The following AGBL4 variants were observed in gnomAD, a reference collection of about 807,000 sequenced individuals.
The protein encoded by AGBL4 is cytosolic carboxypeptidase 6.
Under a neutral mutation model 66.4 loss-of-function variants are expected in AGBL4, and 58 were observed. The observed-to-expected ratio is 0.87, with a 90% CI of 0.71 to 1.09. The LOEUF (loss-of-function observed/expected upper bound fraction) is 1.09. Ranked by LOEUF, AGBL4 falls within the 50% of genes least tolerant of loss-of-function variation. The pLI, the probability that AGBL4 is intolerant of heterozygous loss-of-function variation, is 0.00. For missense variants in AGBL4, 579 were observed against 631.0 expected (o/e 0.92, Z 0.88); for synonymous variants, 234 against 222.9 (o/e 1.05, Z -0.44).
At chr1:48,612,665 G>C (rs1256272610) in intron 9 of AGBL4, among the ~76,000 whole-genome samples, 1 of 152,222 alleles carries the variant, frequency 6.6e-6, no homozygotes, top group African/African-American at 2.4e-5. Flanking sequence ...TGGCAGAATA[G>C]ATGGCTAAAT....
chr1:49,217,467 C>T (rs1268060525), intron 4 of AGBL4, among the ~76,000 whole-genome samples: 1 of 152,058 alleles, frequency 6.6e-6, no homozygotes, highest in Non-Finnish European at 1.5e-5. Context: ...CTTTTTGAAA[C>T]CATCATAATC....
chr1:48,968,312 G>A (rs1266939258), intron 5 of AGBL4, among the ~76,000 whole-genome samples: 1 of 152,054 alleles, frequency 6.6e-6, no homozygotes, highest in Non-Finnish European at 1.5e-5. Flanking sequence ...TAAAAGTTCT[G>A]GACTTCATTC....
intron 3 of AGBL4, among the ~76,000 whole-genome samples, chr1:49,315,614 T>C (rs543674787): frequency 1.3e-5 from 2 of 152,284 alleles, no homozygotes; most frequent in East Asian, 1.9e-4. Flanking sequence ...AGAAGACATT[T>C]ATGCGGCCAA....
chr1:48,675,912 G>A (rs563225322), intron 6 of AGBL4, among the ~76,000 whole-genome samples: 8 of 152,184 alleles, frequency 5.3e-5, no homozygotes, highest in African/African-American at 9.7e-5. Flanking sequence ...CATCACCAGC[G>A]AATGGAATCT....
chr1:49,207,507 T>TC (rs1648268333), intron 4 of AGBL4, among the ~76,000 whole-genome samples: 2 of 147,414 alleles, frequency 1.4e-5, no homozygotes, highest in Non-Finnish European at 3.0e-5. Context: ...CTTTCTTTCT[T>TC]TTTCTTTCTT....
At chr1:49,068,105 C>G (rs1644525611) in intron 4 of AGBL4, among the ~76,000 whole-genome samples, 1 of 152,118 alleles carries the variant, frequency 6.6e-6, no homozygotes, top group African/African-American at 2.4e-5. Context: ...CGTTTGTAGG[C>G]AGGGCGCTCA....
chr1:49,011,895 G>A (rs1272842417), intron 5 of AGBL4, among the ~76,000 whole-genome samples: 1 of 115,062 alleles, frequency 8.7e-6, no homozygotes, highest in East Asian at 3.2e-4. Flanking sequence ...GTGGGGGGTG[G>A]GGGGAGGGAT....
intron 9 of AGBL4, among the ~76,000 whole-genome samples, chr1:48,595,122 C>G (rs1644976280): frequency 6.6e-6 from 1 of 152,086 alleles, no homozygotes; most frequent in Non-Finnish European, 1.5e-5. Context: ...TTCAAAAAGC[C>G]TTATTTTATC....
At chr1:49,442,035 T>A (rs1449123107) in intron 3 of AGBL4, among the ~76,000 whole-genome samples, 1 of 152,116 alleles carries the variant, frequency 6.6e-6, no homozygotes, top group Non-Finnish European at 1.5e-5. Flanking sequence ...TTCCTCAGGG[T>A]GATCAGCCAG....
intron 5 of AGBL4, 98 bp from the exon 6 acceptor site, chr1:48,867,328 T>TA (rs1376274564): frequency 8.5e-7 from 1 of 1,172,362 alleles, no homozygotes; most frequent in African/African-American, 1.5e-5. Context: ...TGTTGGGACA[T>TA]ACTGCAGGGT....
At chr1:48,847,803 T>C (rs1646953555) in intron 6 of AGBL4, among the ~76,000 whole-genome samples, 1 of 152,226 alleles carries the variant, frequency 6.6e-6, no homozygotes, top group African/African-American at 2.4e-5. Context: ...AATGATTTTT[T>C]ACATCCCTTT....
chr1:49,563,862 T>C (rs1007400932), intron 3 of AGBL4, among the ~76,000 whole-genome samples: 6 of 152,192 alleles, frequency 3.9e-5, no homozygotes, highest in African/African-American at 1.4e-4. Context: ...TTCTATTGAT[T>C]GGAATAGTTT....
At chr1:48,549,728 G>T (rs140296955) in intron 11 of AGBL4, among the ~76,000 whole-genome samples, 1 of 152,032 alleles carries the variant, frequency 6.6e-6, no homozygotes, top group East Asian at 1.9e-4. Flanking sequence ...AGCAGAGAGA[G>T]AAAAACAGGG....
chr1:49,180,271 A>G (rs1377800283), intron 4 of AGBL4, among the ~76,000 whole-genome samples: 1 of 152,244 alleles, frequency 6.6e-6, no homozygotes, highest in Non-Finnish European at 1.5e-5. Context: ...ATATGATGGT[A>G]ATGAAGATTA....
intron 3 of AGBL4, among the ~76,000 whole-genome samples, chr1:49,523,673 AT>A (rs1291561224): frequency 1.3e-5 from 2 of 152,060 alleles, no homozygotes; most frequent in East Asian, 3.8e-4. Context: ...CATTTGACTG[AT>A]GTCAACTCAA....
chr1:48,922,757 A>C (rs1654194538), intron 5 of AGBL4, among the ~76,000 whole-genome samples: 2 of 152,188 alleles, frequency 1.3e-5, no homozygotes, highest in Non-Finnish European at 2.9e-5. Flanking sequence ...TATAAATTCT[A>C]GGAAATTTTT....
chr1:48,586,770 G>T, intron 11 of AGBL4: 1 of 506,834 alleles, frequency 2.0e-6, no homozygotes, highest in Non-Finnish European at 3.6e-6. Flanking sequence ...GGCAGGCCAT[G>T]GGTCCGGCTG....
At chr1:49,382,366 A>C (rs1345010207) in intron 3 of AGBL4, among the ~76,000 whole-genome samples, 1 of 152,186 alleles carries the variant, frequency 6.6e-6, no homozygotes, top group African/African-American at 2.4e-5. Context: ...ATAAAAAGCA[A>C]TCAGTATAAT....
At chr1:49,027,474 T>C (rs1434041295) in intron 5 of AGBL4, among the ~76,000 whole-genome samples, 2 of 152,106 alleles carry the variant, frequency 1.3e-5, no homozygotes. Context: ...AAAAATTATT[T>C]TTAAAAACAA....
Sources: allele counts gnomAD v4.1 joint callset (sites outside exome capture counted in the v4.1 genomes callset), GRCh38; gene constraint gnomAD v4.1.1; transcripts MANE v1.5; gene names NCBI Gene and HGNC (gene_info 2026-07-23, HGNC 2026-07-21).